The following SERPINA9 variants were observed in gnomAD, a reference collection of about 807,000 sequenced individuals.
The protein encoded by SERPINA9 is serpin family A member 9.
In SERPINA9, 32 loss-of-function variants were observed where a neutral mutation model predicts 24.5. The ratio of observed to expected loss-of-function variants is 1.30; its 90% confidence interval spans 0.98 to 1.75. SERPINA9 has a LOEUF of 1.75. Ranked by LOEUF, SERPINA9 falls within the 40% of genes most tolerant of loss-of-function variation. The probability of loss-of-function intolerance (pLI) is 0.00; values close to 1 mark genes in which losing one functional copy is unlikely to be tolerated. For synonymous variants in SERPINA9, 233 were observed against 197.7 expected, an observed-to-expected ratio of 1.18 and a Z score of -1.50; for missense variants, 594 against 497.1, an observed-to-expected ratio of 1.19 and a Z score of -1.85.
At chr14:94,472,218 C>T (rs1899354079) in intron 1 of SERPINA9, among the ~76,000 whole-genome samples, 1 of 152,186 alleles carries the variant, frequency 6.6e-6, no homozygotes, top group Non-Finnish European at 1.5e-5. Context: ...TAGCAACAGC[C>T]CAGGGTCCAC....
rs377556875 is a variant in SERPINA9, at chr14:94,469,334, G to C, written c.507C>G (p.Ser169=). The C allele has an allele frequency of 1.9e-6, 3 of 1,614,182 alleles. No individual in the cohort carries two copies. In the East Asian group the frequency reaches 6.7e-5, roughly 36 times the overall value. Residue 169 remains serine, a synonymous_variant, in exon 2 of 5, where the codon TCC becomes TCG. Coordinates refer to ENST00000674397, the MANE Select transcript of SERPINA9 (RefSeq NM_175739.4). The part of the protein sequence containing the change: ...EVFSTDFSNP[S]IAQARINSHV... ...GGCTGTTGATCCTCGCCTGGGCAAT[G>C]GAGGGGTTGGAGAAATCTGTAGAAA...
intron 2 of SERPINA9, among the ~76,000 whole-genome samples, chr14:94,468,893 G>A (rs1899151214): frequency 6.6e-6 from 1 of 152,208 alleles, no homozygotes; most frequent in Non-Finnish European, 1.5e-5. Flanking sequence ...CAGTGGGACA[G>A]CTGCTGGTGG....
intron 1 of SERPINA9, among the ~76,000 whole-genome samples, chr14:94,475,748 T>C (rs1246561546): frequency 2.0e-5 from 3 of 152,330 alleles, no homozygotes; most frequent in East Asian, 3.9e-4. Context: ...TCCTTGCTGT[T>C]AGTTTGGAAA....
chr14:94,473,285 G>A (rs755635695), intron 1 of SERPINA9, among the ~76,000 whole-genome samples: 11 of 152,216 alleles, frequency 7.2e-5, no homozygotes, highest in Non-Finnish European at 1.0e-4. Flanking sequence ...TAGCACTTTC[G>A]AGGCAGGTGG....
chr14:94,475,399 T>G (rs565930815), intron 1 of SERPINA9, among the ~76,000 whole-genome samples: 1 of 150,730 alleles, frequency 6.6e-6, no homozygotes, highest in Non-Finnish European at 1.5e-5. Context: ...GTGTGCTACA[T>G]ATGCATGTGT....
chr14:94,472,435 C>G (rs535083213), intron 1 of SERPINA9, among the ~76,000 whole-genome samples: 2 of 152,348 alleles, frequency 1.3e-5, no homozygotes, highest in East Asian at 3.9e-4. Context: ...TCCCTTCTCT[C>G]TTCTGGCACT....
chr14:94,463,411 A>G, intron 4 of SERPINA9, 115 bp from the exon 5 acceptor site: 1 of 888,020 alleles, frequency 1.1e-6, no homozygotes, highest in Non-Finnish European at 1.8e-6. Context: ...GAAAGGATTC[A>G]AGGTTCAAAT....
Position 94,469,672 on chromosome 14 carries a change from G to C in SERPINA9, c.169C>G (p.Arg57Gly). Residue 57 changes from arginine (R) to glycine (G), a missense_variant, in exon 2 of 5, where the codon CGC (arginine) becomes GGC (glycine). Physicochemically the swap from Arg to Gly is moderately radical, Grantham distance 125 (BLOSUM62 -2). Transcript: ENST00000674397. ...LNTDFAFRLY[R>G]RLVLETPSQN... ...CTCGGGGTCTCCAAAACCAGCCTGC[G>C]GTATAGGCGGAAGGCAAAGTCGGTG... The C allele has an allele frequency of 6.2e-7, 1 of 1,613,828 alleles. No homozygotes were observed. The highest frequency in any genetic ancestry group is 1.3e-5 in the African/African-American group (1 of 75,020).
intron 1 of SERPINA9, chr14:94,475,888 T>C: frequency 1.9e-6 from 1 of 521,296 alleles, no homozygotes; most frequent in Non-Finnish European, 3.4e-6. Flanking sequence ...GCCCAAATTT[T>C]CAAGAGCTGT....
At chr14:94,472,903 G>T (rs776835592) in intron 1 of SERPINA9, among the ~76,000 whole-genome samples, 6 of 152,232 alleles carry the variant, frequency 3.9e-5, no homozygotes, top group Non-Finnish European at 8.8e-5. Context: ...AACAGAAAAG[G>T]TTCTGACACA....
At chr14:94,467,009 C>T (rs1899032299) in intron 3 of SERPINA9, 100 bp downstream of exon 3, 5 of 1,356,780 alleles carry the variant, frequency 3.7e-6, no homozygotes, top group Admixed American at 2.0e-5. Flanking sequence ...GCTCACTGTG[C>T]AGAAGTGATT....
Position 94,469,777 on chromosome 14 carries a change from A to T in SERPINA9, c.64T>A (p.Ser22Thr), listed in dbSNP as rs888124641. 8.4e-6 allele frequency: 13 copies of T among 1,547,368 alleles called. No homozygotes were observed. Among genetic ancestry groups the T allele is most frequent in the Non-Finnish European group, 1.0e-5 (12 of 1,146,262 alleles). The change falls in exon 2 of 5, where the codon TCC (serine) becomes ACC (threonine). Residue 22 changes from serine to threonine, a missense_variant. Coordinates refer to ENST00000674397, the MANE Select transcript of SERPINA9 (RefSeq NM_175739.4). ...VGLCAPIYCV[S>T]PANAPSAYPR... ...TATGCACTGGGGGCATTGGCCGGGG[A>T]CACACAGTAGATTGGAGCACAGAGG...
chr14:94,464,722 G>T lies in SERPINA9; in HGVS notation c.1035C>A (p.Ser345=). 6.2e-7 allele frequency: 1 copy of T among 1,613,152 alleles called. No individual in the cohort carries two copies. Among genetic ancestry groups the T allele is most frequent in the Non-Finnish European group, 8.5e-7 (1 of 1,179,456 alleles). Residue 345 remains serine, a synonymous_variant, in exon 4 of 5, where the codon TCC becomes TCA. Transcript: ENST00000674397. ...ADFSGIAKRD[S]LQVSKATHKA... Reference sequence around the variant, plus strand: ...TTCAACTCACTTTAGAAACCTGCAGGGAGTCTCTCTTTGCAATTCCAGAAA... The same window carrying T: ...TTCAACTCACTTTAGAAACCTGCAGTGAGTCTCTCTTTGCAATTCCAGAAA...
intron 1 of SERPINA9, among the ~76,000 whole-genome samples, chr14:94,474,110 G>A (rs1005270778): frequency 3.3e-5 from 5 of 152,226 alleles, no homozygotes; most frequent in African/African-American, 1.2e-4. Flanking sequence ...GAAGGAAGAG[G>A]ACATCAGCCA....
intron 4 of SERPINA9, 141 bp from the exon 5 acceptor site, chr14:94,463,437 T>C (rs1209315605): frequency 2.9e-6 from 2 of 698,278 alleles, no homozygotes; most frequent in Admixed American, 2.5e-5. Flanking sequence ...GCATTGGGTT[T>C]ACTCAATACA....
intron 1 of SERPINA9, among the ~76,000 whole-genome samples, chr14:94,473,083 C>A (rs1429884868): frequency 2.0e-5 from 3 of 152,118 alleles, no homozygotes; most frequent in Non-Finnish European, 4.4e-5. Context: ...ACTATCCCTG[C>A]ACCTGTCTGT....
chr14:94,463,328 T>G, intron 4 of SERPINA9, 32 bp from the exon 5 acceptor site: 5 of 1,586,896 alleles, frequency 3.2e-6, no homozygotes, highest in Non-Finnish European at 4.3e-6. Flanking sequence ...TCAGTGGCCC[T>G]AGTGGAGACA....
chr14:94,473,673 G>A (rs926692884), intron 1 of SERPINA9, among the ~76,000 whole-genome samples: 2 of 152,088 alleles, frequency 1.3e-5, no homozygotes, highest in African/African-American at 4.8e-5. Flanking sequence ...GTAAGAGTGT[G>A]GCATCTGCAG....
rs1898923322 is a variant in SERPINA9, at chr14:94,464,834, G to A, written c.923C>T (p.Pro308Leu). Residue 308 changes from proline (P) to leucine (L), a missense_variant, in exon 4 of 5, where the codon CCC becomes CTC. Physicochemically the swap from Pro to Leu is moderately conservative, Grantham distance 98 (BLOSUM62 -3). Transcript: ENST00000674397. ...LQKRWIEVFI[P>L]RFSISASYNL... Reference sequence around the variant, plus strand: ...GTAGGAGGCAGAAATGGAAAATCTGGGGATGAACACCTCTATCCACCTGTG... The same window carrying A: ...GTAGGAGGCAGAAATGGAAAATCTGAGGATGAACACCTCTATCCACCTGTG... 1 of 1,613,794 alleles carries A rather than the reference G, an allele frequency of 6.2e-7. No individual in the cohort carries two copies. The highest frequency in any genetic ancestry group is 1.7e-5 in the Admixed American group (1 of 60,004).
Sources: gnomAD v4.1 joint callset for allele counts (sites outside exome capture counted in the v4.1 genomes callset) on GRCh38, gnomAD v4.1.1 for gene constraint, MANE v1.5 for transcripts, NCBI Gene and HGNC (gene_info 2026-07-23, HGNC 2026-07-21) for gene names.